C11orf65: variants seen among roughly 807,000 people sequenced by gnomAD.
C11orf65 encodes chromosome 11 open reading frame 65, also known as protein MFI.
A neutral mutation model predicts 35.3 loss-of-function variants in C11orf65; 38 were observed. The observed-to-expected ratio is 1.08, with a 90% confidence interval of 0.83 to 1.41. The LOEUF is 1.41. Among genes scored for constraint, C11orf65 ranks in the 40% most tolerant of loss-of-function variants. The pLI, the probability that C11orf65 is intolerant of heterozygous loss-of-function variation, is 0.00. For synonymous variants in C11orf65, 105 were observed against 114.4 expected (o/e 0.92, Z 0.53); for missense variants, 370 against 367.1 (o/e 1.01, Z -0.06).
intron 6 of C11orf65, among the ~76,000 whole-genome samples, chr11:108,310,622 T>A (rs1240817588): frequency 1.3e-5 from 2 of 152,136 alleles, no homozygotes; most frequent in Non-Finnish European, 2.9e-5. Context: ...GAACTTAATT[T>A]AAGGGTGATA....
intron 3 of C11orf65, among the ~76,000 whole-genome samples, chr11:108,423,627 A>C (rs1169741486): frequency 6.6e-6 from 1 of 152,192 alleles, no homozygotes; most frequent in Non-Finnish European, 1.5e-5. Context: ...GACATCTCCC[A>C]GCAGGGGTTG....
At chr11:108,408,736 T>TAAA (rs1565660272) in intron 3 of C11orf65, among the ~76,000 whole-genome samples, 6 of 99,530 alleles carry the variant, frequency 6.0e-5, no homozygotes, top group South Asian at 3.4e-4. Context: ...AATAAAATGA[T>TAAA]ATAAGAATTG....
At chr11:108,348,570 A>T (rs1788787047) in intron 2 of C11orf65, among the ~76,000 whole-genome samples, 1 of 151,974 alleles carries the variant, frequency 6.6e-6, no homozygotes, top group Non-Finnish European at 1.5e-5. Flanking sequence ...TATAAGAAAG[A>T]AGTGTGAATG....
exon 7 of C11orf65, chr11:108,308,736 C>A: frequency 2.6e-6 from 1 of 379,556 alleles, no homozygotes; most frequent in Non-Finnish European, 4.9e-6. Context: ...GTTTTTAAGC[C>A]TAAATGCATT....
chr11:108,402,052 G>A (rs1866059), intron 6 of C11orf65, among the ~76,000 whole-genome samples: 2 of 152,208 alleles, frequency 1.3e-5, no homozygotes, highest in African/African-American at 4.8e-5. Context: ...TCTTGTAACT[G>A]TTCTGGTTTA....
Position 108,325,292 on chromosome 11 carries a change from CTA to C in C11orf65, c.641-16223_641-16222del, listed in dbSNP as rs1064794351. 1.3e-5 allele frequency: 12 copies of C among 935,108 alleles called. No individual in the cohort carries two copies. The highest frequency in any genetic ancestry group is 4.0e-5 in the Admixed American group (2 of 50,116). The allele number at this position is 935,108 out of a possible 1,614,324, so 57.9% of individuals were successfully genotyped here. On this transcript the variant is annotated intron_variant, in intron 6 of 6. Transcript: ENST00000525729. ...TTCATTTCTCTTGCTTACATGAACT[CTA>C]TGTCGTGGCATTCAGATCAGTCACA...
At position 108,382,894 on chromosome 11, in the gene C11orf65, T is replaced by C; in HGVS notation, c.*127A>G. The C allele has an allele frequency of 6.5e-7, 1 of 1,536,154 alleles. No individual in the cohort carries two copies. Among genetic ancestry groups the C allele is most frequent in the Non-Finnish European group, 8.7e-7 (1 of 1,153,420 alleles). On this transcript the variant is annotated 3_prime_UTR_variant, in exon 9 of 9. Transcript: ENST00000393084. ...CTATTTCTGCTCAATCTTCCTTACTTAACTGAGCTAGATTCTGTGCCCAGA... is the reference window on the plus strand; with the variant it reads ...CTATTTCTGCTCAATCTTCCTTACTCAACTGAGCTAGATTCTGTGCCCAGA...
Position 108,386,078 on chromosome 11 carries a change from G to T in C11orf65, c.732-103C>A, listed in dbSNP as rs534946253. On this transcript the variant is annotated intron_variant, in intron 7 of 8. Coordinates refer to ENST00000393084, the MANE Select transcript of C11orf65 (RefSeq NM_152587.5). Reference sequence around the variant, plus strand: ...TTTCAGAAATCTTAGATTAATGATGGCATGTTCACTAGCCTCCATGTGTAA... The same window carrying T: ...TTTCAGAAATCTTAGATTAATGATGTCATGTTCACTAGCCTCCATGTGTAA... 5.4e-6 allele frequency: 5 copies of T among 920,908 alleles called. No homozygotes were observed. The African/African-American group carries it at 6.5e-5, about 12-fold the overall frequency. The allele number at this position is 920,908 out of a possible 1,614,324, so 57.0% of individuals were successfully genotyped here. A position where few individuals can be genotyped will look rare whatever the true frequency, so the allele number is the denominator to read the frequency against.
chr11:108,407,500 T>TG, intron 3 of C11orf65, among the ~76,000 whole-genome samples: 1 of 150,954 alleles, frequency 6.6e-6, no homozygotes, highest in Non-Finnish European at 1.5e-5. Context: ...TTTTTTTTTT[T>TG]GTAGAGACAA....
Position 108,343,301 on chromosome 11 carries a change from A to G in C11orf65, c.227-8009T>C, listed in dbSNP as rs2087826921. On this transcript the variant is annotated intron_variant, in intron 2 of 3. Transcript: ENST00000524755. ...CCCATTGGTGAATTTCTTGTTAACA[A>G]TGAAGATGGTGCTCATAAAAGATAC... is the stretch of plus-strand genomic sequence containing the variant. 2 of 1,614,070 alleles carry G rather than the reference A, an allele frequency of 1.2e-6. No homozygotes were observed. Among genetic ancestry groups the G allele is most frequent in the Non-Finnish European group, 8.5e-7 (1 of 1,179,944 alleles).
In C11orf65 at chr11:108,315,741, G is replaced by T. The variant is rs1665019823; in HGVS notation, c.641-6670C>A. 3.1e-6 allele frequency: 3 copies of T among 974,872 alleles called. No individual in the cohort carries two copies. The East Asian group carries it at 7.5e-5, about 24-fold the overall frequency. 60.4% of individuals were successfully genotyped at this position (974,872 alleles called of 1,614,324 possible). ...ATTTAGAGTTGGGAGTTACATATTG[G>T]TAATGATACAATTTAAAATTTGCTA... On this transcript the variant is annotated intron_variant, in intron 6 of 6. Coordinates refer to the C11orf65 transcript ENST00000525729.
upstream of C11orf65, among the ~76,000 whole-genome samples, chr11:108,469,050 T>C (rs2135833210): frequency 6.6e-6 from 1 of 152,014 alleles, no homozygotes; most frequent in South Asian, 2.1e-4. Flanking sequence ...TTTACTGTGT[T>C]AGCCAGGATG....
intron 2 of C11orf65, among the ~76,000 whole-genome samples, chr11:108,358,076 T>C (rs1250278659): frequency 1.3e-5 from 2 of 148,790 alleles, no homozygotes; most frequent in Admixed American, 6.7e-5. Flanking sequence ...ATAACTAGAA[T>C]AACCAATACA....
intron 2 of C11orf65, among the ~76,000 whole-genome samples, chr11:108,448,361 T>C (rs2093296318): frequency 6.6e-6 from 1 of 152,216 alleles, no homozygotes; most frequent in Non-Finnish European, 1.5e-5. Flanking sequence ...ATATCCTTGA[T>C]GAACATTGAT....
At chr11:108,451,002 G>T (rs147191816) in intron 2 of C11orf65, among the ~76,000 whole-genome samples, 1 of 151,782 alleles carries the variant, frequency 6.6e-6, no homozygotes, top group East Asian at 1.9e-4. Flanking sequence ...CTGATGGGAC[G>T]TGTTTCAAAA....
In C11orf65 at chr11:108,446,399, A is replaced by T. The variant is rs770689972; in HGVS notation, c.82-14561T>A. ...GCCAGAGAGAAAGGTCGGGTTACCC[A>T]CAAAGGGAAGCCCATCAGACTAACA... On this transcript the variant is annotated intron_variant, in intron 2 of 8. Transcript: ENST00000393084. Among the ~76,000 whole-genome samples, 536 of 151,744 alleles carry T rather than the reference A, an allele frequency of 3.5e-3. 3 individuals are homozygous for T. The highest frequency in any genetic ancestry group is 5.7e-3 in the Non-Finnish European group (386 of 67,980).
intron 2 of C11orf65, among the ~76,000 whole-genome samples, chr11:108,347,654 G>A (rs1484835875): frequency 1.3e-5 from 2 of 152,054 alleles, no homozygotes; most frequent in Non-Finnish European, 2.9e-5. Flanking sequence ...AGGAATCAGG[G>A]CTATTCCACC....
chr11:108,333,001 CAAACGTAATCCAAA>C, intron 3 of C11orf65: 1 of 1,413,294 alleles, frequency 7.1e-7, no homozygotes, highest in Non-Finnish European at 9.7e-7. Context: ...CTTAAAATCA[CAAACGTAATCCAAA>C]AGCTTAATTT....
intron 6 of C11orf65, among the ~76,000 whole-genome samples, chr11:108,400,553 C>T (rs537273104): frequency 6.6e-6 from 1 of 152,170 alleles, no homozygotes; most frequent in Admixed American, 6.5e-5. Flanking sequence ...GACTGCTTCT[C>T]CTGTTGCTTA....
Sources: gnomAD v4.1 joint callset for allele counts (sites outside exome capture counted in the v4.1 genomes callset) on GRCh38, gnomAD v4.1.1 for gene constraint, MANE v1.5 for transcripts, NCBI Gene and HGNC (gene_info 2026-07-23, HGNC 2026-07-21) for gene names.